The following TAF4 variants were observed in gnomAD, a reference collection of about 807,000 sequenced individuals.
The protein encoded by TAF4 is transcription initiation factor TFIID subunit 4.
TAF4 carries 9 observed loss-of-function variants against 90.3 expected under a neutral mutation model. The ratio of observed to expected loss-of-function variants is 0.10; its 90% CI spans 0.06 to 0.17. TAF4 has a LOEUF of 0.17. Ranked by LOEUF, TAF4 falls within the 10% of genes least tolerant of loss-of-function variation. TAF4 has a pLI of 1.00. For missense variants in TAF4, 1,351 were observed against 1,370.7 expected, an observed-to-expected ratio of 0.99 and a Z score of 0.23; for synonymous variants, 818 against 638.9, an observed-to-expected ratio of 1.28 and a Z score of -4.23.
intron 14 of TAF4, among the ~76,000 whole-genome samples, chr20:61,992,331 C>A (rs1030187922): frequency 6.6e-6 from 1 of 152,136 alleles, no homozygotes; most frequent in African/African-American, 2.4e-5. Context: ...TCACCACCCT[C>A]GGCAGGAGTG....
intron 1 of TAF4, among the ~76,000 whole-genome samples, chr20:62,023,531 T>C (rs945745261): frequency 1.4e-4 from 21 of 151,950 alleles, no homozygotes; most frequent in African/African-American, 4.8e-4. Flanking sequence ...GGAGACTGCT[T>C]GGGCTCAGGA....
chr20:62,006,691 T>G lies in TAF4; in HGVS notation c.2042A>C (p.Gln681Pro), dbSNP rs1379651588. 6.3e-7 allele frequency: 1 copy of G among 1,591,816 alleles called. No individual in the cohort carries two copies. The highest frequency in any genetic ancestry group is 1.1e-5 in the South Asian group (1 of 89,414). ...SAAFIQQSQQ[Q>P]PPPPTSQATT... ...GGCCTGCGAGGTGGGCGGTGGCGGC[T>G]GCTGCTGGCTCTGCTGGATGAAGGC... Residue 681 changes from glutamine (Q) to proline (P), a missense_variant, in exon 7 of 15, where the codon CAG (glutamine) becomes CCG (proline). Coordinates refer to ENST00000252996, the MANE Select transcript of TAF4 (RefSeq NM_003185.4). The surrounding 1 kb of genome is among the most constrained non-coding windows in gnomAD (Gnocchi z 7.0).
chr20:62,034,383 G>A (rs2055920881), intron 1 of TAF4, among the ~76,000 whole-genome samples: 1 of 152,150 alleles, frequency 6.6e-6, no homozygotes, highest in Non-Finnish European at 1.5e-5. Context: ...GTGTGCAGTG[G>A]CACAATCATA....
intron 1 of TAF4, among the ~76,000 whole-genome samples, chr20:62,056,361 G>A (rs372564571): frequency 3.9e-5 from 6 of 152,320 alleles, no homozygotes; most frequent in East Asian, 1.9e-4. Flanking sequence ...AACTAGACAC[G>A]ATTTTCTTCC....
chr20:61,977,576 C>G (rs1487368028), intron 14 of TAF4, among the ~76,000 whole-genome samples: 1 of 152,110 alleles, frequency 6.6e-6, no homozygotes, highest in Non-Finnish European at 1.5e-5. Flanking sequence ...TGATGGCATG[C>G]AAGTGTGTCT....
intron 14 of TAF4, among the ~76,000 whole-genome samples, chr20:61,984,126 C>CG (rs1324626113): frequency 6.6e-6 from 1 of 152,162 alleles, no homozygotes; most frequent in Non-Finnish European, 1.5e-5. Flanking sequence ...AGCCAGCAGC[C>CG]GGAAGACTGA....
chr20:62,065,638 A>G lies in TAF4; in HGVS notation c.173T>C (p.Leu58Pro). 9.5e-7 allele frequency: 1 copy of G among 1,047,892 alleles called. No individual in the cohort carries two copies. Among genetic ancestry groups the G allele is most frequent in the Non-Finnish European group, 1.1e-6 (1 of 874,566 alleles). The allele number at this position is 1,047,892 out of a possible 1,614,324, so 64.9% of individuals were successfully genotyped here. A position where few individuals can be genotyped will look rare whatever the true frequency, so the allele number is the denominator to read the frequency against. The change falls in exon 1 of 15, where the codon CTC becomes CCC. Residue 58 changes from leucine to proline, a missense_variant. Leu to Pro is a moderately conservative substitution (Grantham distance 98). This residue lies in a region of TAF4 where 782 missense variants were observed against 536.6 expected (regional missense o/e 1.46). Transcript: ENST00000252996. ...PEVRAAAAGA[L>P]GNHVVSGSPA... ...GCTGCCGCTCACAACATGGTTCCCG[A>G]GCGCGCCGGCGGCCGCGGCCCGCAC...
At chr20:62,062,706 C>T (rs966550743) in intron 1 of TAF4, among the ~76,000 whole-genome samples, 1 of 152,108 alleles carries the variant, frequency 6.6e-6, no homozygotes, top group Non-Finnish European at 1.5e-5. Flanking sequence ...GAAGTGAGTC[C>T]CAGGATCACT....
At chr20:62,062,778 G>C (rs765854375) in intron 1 of TAF4, among the ~76,000 whole-genome samples, 2 of 152,160 alleles carry the variant, frequency 1.3e-5, no homozygotes, top group Admixed American at 6.5e-5. Context: ...CCTCCCAGAA[G>C]AAAGAGACAG....
At chr20:62,000,363 C>A (rs2123124534) in intron 10 of TAF4, 109 bp from the exon 11 acceptor site, 1 of 1,480,506 alleles carries the variant, frequency 6.8e-7, no homozygotes. Flanking sequence ...CCAAGGGGAG[C>A]CCAGAAAGGC....
chr20:61,996,191 T>G (rs1457807649), intron 14 of TAF4, among the ~76,000 whole-genome samples: 1 of 152,062 alleles, frequency 6.6e-6, no homozygotes, highest in Non-Finnish European at 1.5e-5. Flanking sequence ...CCATGCTACA[T>G]GGTGAGACCC....
At chr20:62,030,698 A>T (rs1405947757) in intron 1 of TAF4, among the ~76,000 whole-genome samples, 1 of 152,224 alleles carries the variant, frequency 6.6e-6, no homozygotes, top group African/African-American at 2.4e-5. Context: ...TTTTGAAAAC[A>T]AATTTCGTCC....
At chr20:61,983,625 A>C (rs908329988) in intron 14 of TAF4, among the ~76,000 whole-genome samples, 1 of 152,234 alleles carries the variant, frequency 6.6e-6, no homozygotes, top group African/African-American at 2.4e-5. Flanking sequence ...TGATCACGCC[A>C]CCAAACTCCA....
chr20:62,036,376 C>T (rs2055932882), intron 1 of TAF4, among the ~76,000 whole-genome samples: 1 of 152,212 alleles, frequency 6.6e-6, no homozygotes, highest in South Asian at 2.1e-4. Flanking sequence ...GAGCATTTTA[C>T]ACCCCCAGAT....
Position 62,010,089 on chromosome 20 carries a change from T to G in TAF4, c.1718A>C (p.Gln573Pro). 7.4e-6 allele frequency: 12 copies of G among 1,613,730 alleles called. No homozygotes were observed. The highest frequency in any genetic ancestry group is 1.0e-5 in the Non-Finnish European group (12 of 1,179,974). The stretch of plus-strand genomic sequence containing the variant: ...GGTGGTCGCCCCTGGTACCGTGCGC[T>G]GAGGAGTCCCCGTCTGAACAGCCGT... ...TATAVQTGTP[Q>P]RTVPGATTTS... The change falls in exon 4 of 15, where the codon CAG becomes CCG. Residue 573 changes from glutamine (Q) to proline (P), a missense_variant. Around this residue, in one of 9 missense-constraint regions of TAF4, gnomAD observed 143 missense variants for 176.3 expected, o/e 0.81. Transcript: ENST00000252996. This position sits in a 1 kb window ranked among gnomAD's most constrained non-coding sequence, Gnocchi z 4.5.
intron 7 of TAF4, among the ~76,000 whole-genome samples, chr20:62,004,182 G>T (rs1354454367): frequency 6.6e-6 from 1 of 152,184 alleles, no homozygotes; most frequent in Non-Finnish European, 1.5e-5. Context: ...GGAGGGGGCG[G>T]GTGGCAAACT....
chr20:62,055,516 G>A (rs768078277), intron 1 of TAF4, among the ~76,000 whole-genome samples: 2 of 152,206 alleles, frequency 1.3e-5, no homozygotes, highest in Non-Finnish European at 2.9e-5. Context: ...CCTGGAGGCA[G>A]CCCTGCAATA....
Position 62,064,872 on chromosome 20 carries a change from G to A in TAF4, c.939C>T (p.Pro313=), listed in dbSNP as rs1423909035. The change falls in exon 1 of 15, where the codon CCC becomes CCT. Residue 313 remains proline (P), a synonymous_variant. Coordinates refer to ENST00000252996, the MANE Select transcript of TAF4 (RefSeq NM_003185.4). ...GGCCCCCGGCGGCCGGGGCGGGGGC[G>A]GGGGCTGCCCCGGCGCTGCCCCCGT... ...AQNGGSAGAA[P]APAPAAGGPA... 105 of 927,426 alleles carry A rather than the reference G, an allele frequency of 1.1e-4. 1 individual carries two copies. In the South Asian group the frequency reaches 4.8e-3, roughly 43 times the overall value. 57.4% of individuals were successfully genotyped at this position (927,426 alleles called of 1,614,324 possible). A position where few individuals can be genotyped will look rare whatever the true frequency, so the allele number is the denominator to read the frequency against.
At position 62,010,944 on chromosome 20, in the gene TAF4, C is replaced by G. The variant is rs2055774535; in HGVS notation, c.1642-779G>C. On this transcript the variant is annotated intron_variant, in intron 3 of 14. Coordinates refer to ENST00000252996, the MANE Select transcript of TAF4 (RefSeq NM_003185.4). This position sits in a 1 kb window ranked among gnomAD's most constrained non-coding sequence, Gnocchi z 4.5. Reference sequence around the variant, plus strand: ...ACTAGTACTTTTCCAATGTATAAATCTAGCAGTCAACATTTTCTGTCTCCA... The same window carrying G: ...ACTAGTACTTTTCCAATGTATAAATGTAGCAGTCAACATTTTCTGTCTCCA... 2.0e-5 allele frequency among the ~76,000 whole-genome samples: 3 copies of G among 152,218 alleles called. No homozygotes were observed. Among genetic ancestry groups the G allele is most frequent in the Admixed American group, 2.0e-4 (3 of 15,294 alleles).
Sources: allele counts gnomAD v4.1 joint callset (sites outside exome capture counted in the v4.1 genomes callset), GRCh38; gene constraint gnomAD v4.1.1; regional missense constraint gnomAD v4.1.1; non-coding constraint Gnocchi (gnomAD v3.1); transcripts MANE v1.5; gene names NCBI Gene and HGNC (gene_info 2026-07-23, HGNC 2026-07-21).